The following FAM184B variants were observed in gnomAD, a reference collection of about 807,000 sequenced individuals.
The protein encoded by FAM184B is family with sequence similarity 184 member B, also known as protein FAM184B.
Under a neutral mutation model 135.9 loss-of-function variants are expected in FAM184B, and 111 were observed. The ratio of observed to expected loss-of-function variants is 0.82; its 90% CI spans 0.70 to 0.96. The LOEUF is 0.96. Among genes scored for constraint, FAM184B ranks in the 40% least tolerant of loss-of-function variants. The probability of loss-of-function intolerance (pLI) is 0.00; values close to 1 mark genes in which losing one functional copy is unlikely to be tolerated. For missense variants in FAM184B, 1,375 were observed against 1,323.9 expected (o/e 1.04, Z -0.60); for synonymous variants, 552 against 524.8 (o/e 1.05, Z -0.71).
chr4:17,638,862 G>GA (rs1412665301), intron 14 of FAM184B, among the ~76,000 whole-genome samples: 2 of 151,962 alleles, frequency 1.3e-5, no homozygotes, highest in South Asian at 2.1e-4. Flanking sequence ...CTCCTGCCCT[G>GA]AACTTGCTCT....
chr4:17,637,919 C>A (rs1420930132), intron 14 of FAM184B, among the ~76,000 whole-genome samples: 2 of 152,046 alleles, frequency 1.3e-5, no homozygotes, highest in African/African-American at 4.8e-5. Flanking sequence ...CCAGGGCACT[C>A]TGAACACATC....
chr4:17,781,273 A>C lies in FAM184B; in HGVS notation c.27T>G (p.Ile9Met). 1 of 1,549,846 alleles carries C rather than the reference A, an allele frequency of 6.5e-7. No homozygotes were observed. The highest frequency in any genetic ancestry group is 1.2e-5 in the South Asian group (1 of 83,734). The stretch of plus-strand genomic sequence containing the variant: ...AGCCCTGGCAAGTGCCGGGCGGGTT[A>C]ATTTTGCTGTTGAGAGCAGAAGCCA... MASALNSKINPPGTCQGSK... is the reference protein window; with the variant it reads MASALNSKMNPPGTCQGSK... The change falls in exon 1 of 18, where the codon ATT (isoleucine) becomes ATG (methionine). Residue 9 changes from isoleucine (I) to methionine (M), a missense_variant. By Grantham distance (10) the Ile-to-Met change is conservative (BLOSUM62 1). Coordinates refer to ENST00000265018, the MANE Select transcript of FAM184B (RefSeq NM_015688.2). The surrounding 1 kb of genome is among the most constrained non-coding windows in gnomAD (Gnocchi z 6.5).
rs752335168 is a variant in FAM184B at position 17,693,423 on chromosome 4, A to G, written c.1378-11T>C. On this transcript the variant is annotated splice_polypyrimidine_tract_variant and intron_variant, in intron 5 of 17. Coordinates refer to ENST00000265018, the MANE Select transcript of FAM184B (RefSeq NM_015688.2). ...CTGTGCTTCTACTTCCTAAATGATGATTGGAAGAGTTAACCATACAAGGCA... is the reference window on the plus strand; with the variant it reads ...CTGTGCTTCTACTTCCTAAATGATGGTTGGAAGAGTTAACCATACAAGGCA... 1.4e-5 allele frequency: 22 copies of G among 1,546,028 alleles called. No homozygotes were observed. The highest frequency in any genetic ancestry group is 2.0e-5 in the Admixed American group (1 of 50,974).
intron 1 of FAM184B, among the ~76,000 whole-genome samples, chr4:17,724,898 C>T (rs1049349218): frequency 2.0e-5 from 3 of 152,154 alleles, no homozygotes; most frequent in African/African-American, 7.2e-5. Flanking sequence ...CTCTCCCTGG[C>T]CTGGCTAGAG....
At chr4:17,706,407 G>A (rs1272405714) in intron 3 of FAM184B, among the ~76,000 whole-genome samples, 1 of 152,114 alleles carries the variant, frequency 6.6e-6, no homozygotes, top group Non-Finnish European at 1.5e-5. Flanking sequence ...TTATTCGTCT[G>A]CTGCCTGGGC....
intron 1 of FAM184B, among the ~76,000 whole-genome samples, chr4:17,763,487 T>C (rs1302145606): frequency 5.3e-5 from 8 of 152,266 alleles, no homozygotes; most frequent in Non-Finnish European, 1.0e-4. Context: ...ACCAGATAAT[T>C]TGATAGGCTT....
intron 1 of FAM184B, among the ~76,000 whole-genome samples, chr4:17,723,620 C>T (rs1235195574): frequency 6.6e-6 from 1 of 152,118 alleles, no homozygotes; most frequent in Non-Finnish European, 1.5e-5. Context: ...CTCTCAGTAG[C>T]GTCTGTATAC....
chr4:17,635,132 T>C lies in FAM184B; in HGVS notation c.2785-19A>G, dbSNP rs1164028569. On this transcript the variant is annotated intron_variant, in intron 15 of 17. Coordinates refer to ENST00000265018, the MANE Select transcript of FAM184B (RefSeq NM_015688.2). ...TCTCTTCCTAGAAAACCAATACAAC[T>C]GAGTCTAAATGAGCCTAACCACACA... The C allele has an allele frequency of 1.3e-6, 2 of 1,527,288 alleles. No homozygotes were observed. The highest frequency in any genetic ancestry group is 8.9e-7 in the Non-Finnish European group (1 of 1,125,036). The allele number at this position is 1,527,288 out of a possible 1,614,324, so 94.6% of individuals were successfully genotyped here. A position where few individuals can be genotyped will look rare whatever the true frequency, so the allele number is the denominator to read the frequency against.
intron 8 of FAM184B, among the ~76,000 whole-genome samples, chr4:17,660,884 A>G (rs886133881): frequency 6.6e-6 from 1 of 152,018 alleles, no homozygotes; most frequent in Non-Finnish European, 1.5e-5. Flanking sequence ...AGAGCTCCAG[A>G]GGTGGGGTTT....
At chr4:17,660,903 G>A (rs1034645401) in intron 8 of FAM184B, among the ~76,000 whole-genome samples, 2 of 152,090 alleles carry the variant, frequency 1.3e-5, no homozygotes, top group African/African-American at 2.4e-5. Context: ...TTAGGGTCTC[G>A]GGCTGTGAGA....
chr4:17,723,164 T>C (rs1274737750), intron 1 of FAM184B, among the ~76,000 whole-genome samples: 2 of 152,236 alleles, frequency 1.3e-5, no homozygotes, highest in Non-Finnish European at 2.9e-5. Context: ...CAAGCAACTT[T>C]ACAAGGTAAA....
At chr4:17,670,318 A>T (rs1431111188) in intron 7 of FAM184B, among the ~76,000 whole-genome samples, 1 of 152,248 alleles carries the variant, frequency 6.6e-6, no homozygotes, top group Non-Finnish European at 1.5e-5. Context: ...ACATCTGACC[A>T]ACACATCTAA....
chr4:17,747,558 G>A lies in FAM184B; in HGVS notation c.141+33601C>T, dbSNP rs558889450. On this transcript the variant is annotated intron_variant, in intron 1 of 17. Transcript: ENST00000265018. ...TGTAATCCTAGCACTTTGGGAGGCCGAGGTGGGTGAATCACTTGAGGTCAG... is the reference window on the plus strand; with the variant it reads ...TGTAATCCTAGCACTTTGGGAGGCCAAGGTGGGTGAATCACTTGAGGTCAG... Among the ~76,000 whole-genome samples, 3 of 152,206 alleles carry A rather than the reference G, an allele frequency of 2.0e-5. No individual in the cohort carries two copies. In the East Asian group the frequency reaches 5.8e-4, roughly 29 times the overall value.
At chr4:17,742,036 A>G (rs971622536) in intron 1 of FAM184B, among the ~76,000 whole-genome samples, 7 of 151,864 alleles carry the variant, frequency 4.6e-5, no homozygotes, top group Admixed American at 6.6e-5. Context: ...TTGTACCTAC[A>G]GTCAGCAATA....
chr4:17,663,392 G>A (rs569411266), intron 8 of FAM184B, among the ~76,000 whole-genome samples: 1 of 152,170 alleles, frequency 6.6e-6, no homozygotes, highest in East Asian at 1.9e-4. Flanking sequence ...AGAAATAAAG[G>A]GGATCCAAAT....
chr4:17,750,366 C>T (rs1457367923), intron 1 of FAM184B, among the ~76,000 whole-genome samples: 1 of 152,196 alleles, frequency 6.6e-6, no homozygotes, highest in Non-Finnish European at 1.5e-5. Context: ...TAAGATATTA[C>T]AAACCAGTAT....
In FAM184B at chr4:17,781,389, G is replaced by A. The variant is rs1719030772; in HGVS notation, c.-90C>T. 1 of 1,386,538 alleles carries A rather than the reference G, an allele frequency of 7.2e-7. No individual in the cohort carries two copies. The highest frequency in any genetic ancestry group is 9.4e-7 in the Non-Finnish European group (1 of 1,064,708). 85.9% of individuals were successfully genotyped at this position (1,386,538 alleles called of 1,614,324 possible). A position where few individuals can be genotyped will look rare whatever the true frequency, so the allele number is the denominator to read the frequency against. On this transcript the variant is annotated 5_prime_UTR_variant, in exon 1 of 18. Transcript: ENST00000265018. The surrounding 1 kb of genome is among the most constrained non-coding windows in gnomAD (Gnocchi z 6.5). ...GCGCGCGCGGGCGTGCGAGCGTGTGGGTTTCTCGGGAGAGGTGGCACTGCA... is the reference window on the plus strand; with the variant it reads ...GCGCGCGCGGGCGTGCGAGCGTGTGAGTTTCTCGGGAGAGGTGGCACTGCA...
intron 5 of FAM184B, among the ~76,000 whole-genome samples, chr4:17,695,467 C>A (rs1185942410): frequency 2.0e-5 from 3 of 152,212 alleles, no homozygotes; most frequent in Non-Finnish European, 4.4e-5. Context: ...TGCCCAGCTT[C>A]ACTACGGCTT....
In FAM184B at chr4:17,636,663, G is replaced by A. The variant is rs2108927064; in HGVS notation, c.2667-18C>T. ...CTTTCAGTCTGTTCCAAGCAGGCAT[G>A]CAGTCAAGTCCCCCTTACAGCAATT... On this transcript the variant is annotated intron_variant, in intron 14 of 17. Coordinates refer to ENST00000265018, the MANE Select transcript of FAM184B (RefSeq NM_015688.2). 1 of 1,526,260 alleles carries A rather than the reference G, an allele frequency of 6.6e-7. No individual in the cohort carries two copies. Among genetic ancestry groups the A allele is most frequent in the East Asian group, 2.5e-5 (1 of 40,712 alleles). 94.5% of individuals were successfully genotyped at this position (1,526,260 alleles called of 1,614,324 possible).
Sources: allele counts gnomAD v4.1 joint callset (sites outside exome capture counted in the v4.1 genomes callset), GRCh38; gene constraint gnomAD v4.1.1; non-coding constraint Gnocchi (gnomAD v3.1); transcripts MANE v1.5; gene names NCBI Gene and HGNC (gene_info 2026-07-23, HGNC 2026-07-21).